Variants in CUX1 observed in about 807,000 individuals in gnomAD.
CUX1 encodes cut like homeobox 1.
In CUX1, 31 loss-of-function variants were observed where a neutral mutation model predicts 158.8. That is an observed-to-expected ratio of 0.20 (90% CI 0.15 to 0.26). CUX1 has a LOEUF of 0.26. Among genes scored for constraint, CUX1 ranks in the 10% least tolerant of loss-of-function variants. The pLI is 1.00. For missense variants in CUX1, 1,589 were observed against 2,014.6 expected, an observed-to-expected ratio of 0.79 and a Z score of 4.04; for synonymous variants, 879 against 862.1, an observed-to-expected ratio of 1.02 and a Z score of -0.34.
At chr7:101,848,051 C>CAAAAAAAAAAAAAAAAAAA (rs57428019) in intron 1 of CUX1, among the ~76,000 whole-genome samples, 14 of 65,378 alleles carry the variant, frequency 2.1e-4, no homozygotes, top group African/African-American at 2.7e-4. Flanking sequence ...GAGCAAGACT[C>CAAAAAAAAAAAAAAAAAAA]AAAAAAAAAA....
chr7:102,184,385 A>C (rs187844418), intron 11 of CUX1, among the ~76,000 whole-genome samples: 1 of 152,326 alleles, frequency 6.6e-6, no homozygotes, highest in Non-Finnish European at 1.5e-5. Flanking sequence ...GGCTCCGTGT[A>C]TCTTTTCCAT....
At chr7:101,982,878 C>A (rs1813631146) in intron 2 of CUX1, among the ~76,000 whole-genome samples, 1 of 136,226 alleles carries the variant, frequency 7.3e-6, no homozygotes, top group African/African-American at 2.7e-5. Context: ...CCCCTCCCCC[C>A]ACCCCATGAC....
chr7:101,846,722 G>A (rs1795734742), intron 1 of CUX1, among the ~76,000 whole-genome samples: 1 of 152,158 alleles, frequency 6.6e-6, no homozygotes, highest in Non-Finnish European at 1.5e-5. Context: ...AGGCCAAGGA[G>A]GTGCTAGTGG....
chr7:102,026,818 TAAAAAAAAAAAAA>T (rs10533217), intron 2 of CUX1, among the ~76,000 whole-genome samples: 1 of 96,324 alleles, frequency 1.0e-5, no homozygotes, highest in South Asian at 3.7e-4. Flanking sequence ...ACTCCGTCTT[TAAAAAAAAAAAAA>T]AAAAAAAAAA....
At chr7:102,104,032 A>T (rs1404966748) in intron 5 of CUX1, among the ~76,000 whole-genome samples, 1 of 152,130 alleles carries the variant, frequency 6.6e-6, no homozygotes, top group Non-Finnish European at 1.5e-5. Flanking sequence ...AGATGATATG[A>T]TATTTTACCA....
At chr7:102,005,961 C>T (rs1471781801) in intron 2 of CUX1, among the ~76,000 whole-genome samples, 2 of 152,168 alleles carry the variant, frequency 1.3e-5, no homozygotes, top group Non-Finnish European at 1.5e-5. Context: ...CGAGCGGCCG[C>T]GTGGATGAGG....
At chr7:102,066,793 T>G (rs1825599163) in intron 3 of CUX1, among the ~76,000 whole-genome samples, 2 of 152,228 alleles carry the variant, frequency 1.3e-5, no homozygotes, top group Non-Finnish European at 2.9e-5. Context: ...TTGCTTACTC[T>G]AGACATCTAT....
At chr7:102,175,216 G>A (rs1792176291) in intron 10 of CUX1, among the ~76,000 whole-genome samples, 1 of 152,192 alleles carries the variant, frequency 6.6e-6, no homozygotes, top group Admixed American at 6.5e-5. Flanking sequence ...TCCAGGGACA[G>A]CACTGAAATC....
chr7:102,173,756 G>A (rs1373756428), intron 10 of CUX1, among the ~76,000 whole-genome samples: 2 of 152,178 alleles, frequency 1.3e-5, no homozygotes, highest in Non-Finnish European at 2.9e-5. Context: ...AGAGTCCGTT[G>A]TGGATCCTAG....
At chr7:102,102,302 T>C (rs1025860073) in intron 5 of CUX1, among the ~76,000 whole-genome samples, 3 of 151,062 alleles carry the variant, frequency 2.0e-5, no homozygotes, top group Admixed American at 1.3e-4. Context: ...TGCGCGCCTG[T>C]AATCTCAGCT....
intron 19 of CUX1, 40 bp from the exon 20 acceptor site, chr7:102,205,074 C>T (rs782173456): frequency 2.8e-6 from 4 of 1,411,382 alleles, no homozygotes; most frequent in East Asian, 2.3e-5. Context: ...AAGCCCTGGG[C>T]CGCGTTCCTT....
chr7:102,139,895 C>T (rs1278106865), intron 8 of CUX1, among the ~76,000 whole-genome samples: 10 of 151,952 alleles, frequency 6.6e-5, no homozygotes, highest in Admixed American at 4.6e-4. Context: ...TGGCCTCAAG[C>T]GATCCTCCAG....
At position 102,251,021 on chromosome 7, in the gene CUX1, T is replaced by A. The variant is rs904651812; in HGVS notation, c.*1979T>A. On this transcript the variant is annotated 3_prime_UTR_variant, in exon 24 of 24. Transcript: ENST00000292535. ...GTGCTGTATTTTATTATCTGATTGT[T>A]AGGAAGGGATGAAAGGGGCAAATAT... is the stretch of plus-strand genomic sequence containing the variant. 3.4e-5 allele frequency: 33 copies of A among 977,336 alleles called. No individual in the cohort carries two copies. Among genetic ancestry groups the A allele is most frequent in the Admixed American group, 6.2e-5 (1 of 16,242 alleles). 60.5% of individuals were successfully genotyped at this position (977,336 alleles called of 1,614,324 possible). A position where few individuals can be genotyped will look rare whatever the true frequency, so the allele number is the denominator to read the frequency against.
intron 6 of CUX1, among the ~76,000 whole-genome samples, chr7:102,108,474 A>G (rs1361032561): frequency 1.3e-5 from 2 of 151,864 alleles, no homozygotes; most frequent in African/African-American, 4.8e-5. Flanking sequence ...CCTCCTGAGT[A>G]GCTGGGATTA....
chr7:101,864,973 A>G (rs1011030884), intron 1 of CUX1, among the ~76,000 whole-genome samples: 7 of 152,252 alleles, frequency 4.6e-5, no homozygotes, highest in Admixed American at 1.3e-4. Flanking sequence ...GGGAAATACT[A>G]TCTCCCACAT....
intron 4 of CUX1, among the ~76,000 whole-genome samples, chr7:102,071,896 T>C (rs1487512163): frequency 6.6e-6 from 1 of 152,234 alleles, no homozygotes; most frequent in Non-Finnish European, 1.5e-5. Context: ...GAGAATGGTT[T>C]GCTTTGTTCT....
At chr7:101,966,668 C>T (rs137989963) in intron 2 of CUX1, among the ~76,000 whole-genome samples, 67 of 152,264 alleles carry the variant, frequency 4.4e-4, no homozygotes, top group Admixed American at 6.5e-4. Context: ...ATAGAAAGAG[C>T]ATGGCAGGGG....
chr7:101,913,484 A>G (rs1358572714), intron 1 of CUX1: 1 of 1,069,400 alleles, frequency 9.4e-7, no homozygotes, highest in African/African-American at 1.6e-5. Flanking sequence ...TTCCTCCTCC[A>G]CCAGGCAGGC....
intron 6 of CUX1, 136 bp downstream of exon 6, chr7:102,104,595 C>T: frequency 8.2e-7 from 1 of 1,220,002 alleles, no homozygotes; most frequent in South Asian, 1.5e-5. Flanking sequence ...TAAAATGTTT[C>T]AAAAATGATA....
Sources: allele counts gnomAD v4.1 joint callset (sites outside exome capture counted in the v4.1 genomes callset), GRCh38; gene constraint gnomAD v4.1.1; transcripts MANE v1.5; gene names NCBI Gene and HGNC (gene_info 2026-07-23, HGNC 2026-07-21).